The following EDRF1 variants were observed in gnomAD, a reference collection of about 807,000 sequenced individuals.
EDRF1 encodes the protein erythroid differentiation-related factor 1.
In EDRF1, 69 loss-of-function variants were observed where a neutral mutation model predicts 148.7. That is an observed-to-expected ratio of 0.46 (90% CI 0.38 to 0.57). The LOEUF is 0.57. EDRF1 is among the 20% of genes least tolerant of loss of function. The pLI is 0.00. For synonymous variants in EDRF1, 515 were observed against 532.8 expected (o/e 0.97, Z 0.46); for missense variants, 1,118 against 1,478.7 (o/e 0.76, Z 4.00).
At chr10:125,759,838 G>A (rs1171553298) in intron 24 of EDRF1, among the ~76,000 whole-genome samples, 4 of 152,070 alleles carry the variant, frequency 2.6e-5, no homozygotes, top group Non-Finnish European at 4.4e-5. Flanking sequence ...AGCCTCCCGA[G>A]TAGCTGGGAC....
chr10:125,722,534 C>T (rs1398421536), intron 2 of EDRF1, among the ~76,000 whole-genome samples: 3 of 152,204 alleles, frequency 2.0e-5, no homozygotes, highest in South Asian at 2.1e-4. Context: ...TCAGGTGGTA[C>T]GTGGCATCAG....
At chr10:125,724,732 CATA>C (rs533464612) in intron 4 of EDRF1, among the ~76,000 whole-genome samples, 2 of 152,142 alleles carry the variant, frequency 1.3e-5, no homozygotes, top group Non-Finnish European at 2.9e-5. Flanking sequence ...TTTTGAAAAA[CATA>C]ATAACATTGT....
At chr10:125,730,235 A>T in intron 8 of EDRF1, 53 bp from the exon 9 acceptor site, 1 of 1,354,910 alleles carries the variant, frequency 7.4e-7, no homozygotes, top group Non-Finnish European at 1.1e-6. Flanking sequence ...TCAGATGATT[A>T]ATTAAGGAAC....
chr10:125,753,176 T>C (rs1340592460), intron 23 of EDRF1, among the ~76,000 whole-genome samples: 1 of 152,230 alleles, frequency 6.6e-6, no homozygotes, highest in Non-Finnish European at 1.5e-5. Flanking sequence ...TCTCTTAAGT[T>C]TTTTTGTTGC....
At chr10:125,743,310 G>A (rs1849130145) in intron 18 of EDRF1, 34 bp downstream of exon 18, 1 of 1,567,152 alleles carries the variant, frequency 6.4e-7, no homozygotes, top group Non-Finnish European at 8.8e-7. Flanking sequence ...TCTATTGCTT[G>A]TTCTCTCAGA....
At chr10:125,746,530 T>TA (rs1439856043) in intron 19 of EDRF1, among the ~76,000 whole-genome samples, 2 of 152,190 alleles carry the variant, frequency 1.3e-5, no homozygotes, top group African/African-American at 4.8e-5. Context: ...ACACATTTTT[T>TA]AAAAAAAGTA....
At position 125,725,843 on chromosome 10, in the gene EDRF1, G is replaced by C. The variant is rs1173141787; in HGVS notation, c.792+5G>C. On this transcript the variant is annotated splice_donor_5th_base_variant and intron_variant, in intron 6 of 24. Transcript: ENST00000356792. The stretch of plus-strand genomic sequence containing the variant: ...GATCCCAGTGCTTCCAGTCAGGTTA[G>C]TACTTAAATGCTAATTCTAGAAACT... 6.2e-7 allele frequency: 1 copy of C among 1,611,264 alleles called. No individual in the cohort carries two copies. The highest frequency in any genetic ancestry group is 1.1e-5 in the South Asian group (1 of 91,044).
chr10:125,763,169 C>T lies in EDRF1; in HGVS notation c.3546-132C>T, dbSNP rs577579330. 156 of 883,264 alleles carry T rather than the reference C, an allele frequency of 1.8e-4. 1 individual carries two copies. The South Asian group carries it at 1.9e-3, about 11-fold the overall frequency. 54.7% of individuals were successfully genotyped at this position (883,264 alleles called of 1,614,324 possible). A position where few individuals can be genotyped will look rare whatever the true frequency, so the allele number is the denominator to read the frequency against. ...ATGTAAAAGAAGGCAGGTCTGAACC[C>T]GGCAGGAGAGGAATGCCTGCTGCTC... is the stretch of plus-strand genomic sequence containing the variant. On this transcript the variant is annotated intron_variant, in intron 24 of 24. Transcript: ENST00000356792. The surrounding 1 kb of genome is among the most constrained non-coding windows in gnomAD (Gnocchi z 4.3).
At chr10:125,749,381 G>A (rs768257285) in intron 21 of EDRF1, 31 bp from the exon 22 acceptor site, 1 of 1,614,142 alleles carries the variant, frequency 6.2e-7, no homozygotes, top group Admixed American at 1.7e-5. Flanking sequence ...TTACCGTGAA[G>A]GATTTGTTGC....
chr10:125,763,497 C>T lies in EDRF1; in HGVS notation c.*25C>T, dbSNP rs372991014. On this transcript the variant is annotated 3_prime_UTR_variant, in exon 25 of 25. Coordinates refer to ENST00000356792, the MANE Select transcript of EDRF1 (RefSeq NM_001202438.2). The surrounding 1 kb of genome is among the most constrained non-coding windows in gnomAD (Gnocchi z 4.3). ...ACTGCACAGAGCCGTGTCCCAGACA[C>T]GCTGTCAGTGCCTTCAACACGGAGC... is the stretch of plus-strand genomic sequence containing the variant. The T allele has an allele frequency of 2.6e-5, 41 of 1,601,206 alleles. No homozygotes were observed. The highest frequency in any genetic ancestry group is 6.7e-5 in the Admixed American group (4 of 59,732).
At chr10:125,741,386 T>C (rs371950203) in intron 17 of EDRF1, 185 bp downstream of exon 17, 12 of 674,436 alleles carry the variant, frequency 1.8e-5, no homozygotes, top group Non-Finnish European at 2.9e-5. Flanking sequence ...GGTGCAATCT[T>C]GGCTCACTGA....
At chr10:125,734,668 C>G (rs1171850174) in intron 12 of EDRF1, among the ~76,000 whole-genome samples, 1 of 152,056 alleles carries the variant, frequency 6.6e-6, no homozygotes, top group Non-Finnish European at 1.5e-5. Flanking sequence ...TTCCACACTT[C>G]AGGATATTAA....
At chr10:125,720,040 A>C in intron 1 of EDRF1, 125 bp downstream of exon 1, 1 of 801,404 alleles carries the variant, frequency 1.2e-6, no homozygotes, top group Non-Finnish European at 2.0e-6. Context: ...ACACCCCCAA[A>C]ACAGGGAGTT....
At chr10:125,761,627 C>T (rs991742102) in intron 24 of EDRF1, among the ~76,000 whole-genome samples, 1 of 152,082 alleles carries the variant, frequency 6.6e-6, no homozygotes, top group Non-Finnish European at 1.5e-5. Context: ...TGATGGAGCC[C>T]TCTGAATAGG....
At chr10:125,739,801 G>A (rs1848919616) in intron 15 of EDRF1, among the ~76,000 whole-genome samples, 1 of 152,204 alleles carries the variant, frequency 6.6e-6, no homozygotes, top group Admixed American at 6.5e-5. Flanking sequence ...ATATTTTGTT[G>A]TGGTTTATGT....
At position 125,749,408 on chromosome 10, in the gene EDRF1, C is replaced by T; in HGVS notation, c.3124-4C>T. On this transcript the variant is annotated splice_region_variant and splice_polypyrimidine_tract_variant and intron_variant, in intron 21 of 24. Coordinates refer to ENST00000356792, the MANE Select transcript of EDRF1 (RefSeq NM_001202438.2). ...ATTTGTTGCTTGTTTTGGTTTGGTT[C>T]TAGGTTGGTGATGAACACCTTAGGA... 2 of 1,614,154 alleles carry T rather than the reference C, an allele frequency of 1.2e-6. No individual in the cohort carries two copies. The highest frequency in any genetic ancestry group is 8.5e-7 in the Non-Finnish European group (1 of 1,180,026).
chr10:125,733,580 A>ACTCTCCTAACC (rs1848576006), intron 10 of EDRF1, 29 bp downstream of exon 10: 1 of 1,609,048 alleles, frequency 6.2e-7, no homozygotes, highest in Non-Finnish European at 8.5e-7. Flanking sequence ...TTGAGTGAAC[A>ACTCTCCTAACC]ATAATTGATT....
chr10:125,754,937 G>A (rs1849826610), intron 24 of EDRF1, among the ~76,000 whole-genome samples: 2 of 152,046 alleles, frequency 1.3e-5, no homozygotes, highest in African/African-American at 4.8e-5. Context: ...ACTCTTTGTG[G>A]TGTATACTTC....
chr10:125,733,979 T>G, intron 11 of EDRF1, 93 bp from the exon 12 acceptor site: 1 of 1,085,084 alleles, frequency 9.2e-7, no homozygotes, highest in Non-Finnish European at 1.4e-6. Context: ...TTCTTATAGC[T>G]CTTTGTTGGA....
Sources: gnomAD v4.1 joint callset for allele counts (sites outside exome capture counted in the v4.1 genomes callset) on GRCh38, gnomAD v4.1.1 for gene constraint, Gnocchi (gnomAD v3.1) non-coding constraint, MANE v1.5 for transcripts, NCBI Gene and HGNC (gene_info 2026-07-23, HGNC 2026-07-21) for gene names.